Variants in WWOX observed in about 807,000 individuals in gnomAD.
WWOX encodes the protein WW domain containing oxidoreductase.
WWOX carries 69 observed loss-of-function variants against 46.2 expected under a neutral mutation model. The ratio of observed to expected loss-of-function variants is 1.49; its 90% CI spans 1.23 to 1.82. The LOEUF (loss-of-function observed/expected upper bound fraction) is 1.82. WWOX is among the 40% of genes most tolerant of loss of function. The pLI, the probability that WWOX is intolerant of heterozygous loss-of-function variation, is 0.00. For synonymous variants in WWOX, 359 were observed against 202.6 expected (o/e 1.77, Z -6.56); for missense variants, 919 against 542.6 (o/e 1.69, Z -6.89).
rs544695363 is a variant in WWOX, at chr16:78,667,493, AC to A, written c.1056+234744del. Among the ~76,000 whole-genome samples the A allele has an allele frequency of 3.0e-4, 45 of 151,694 alleles. No individual in the cohort carries two copies. The South Asian group carries it at 4.6e-3, about 16-fold the overall frequency. Reference sequence around the variant, plus strand: ...AGACCATCCTGGTTAACACGGTGAAACCCTGTCTCTACTAAAAAGTACAAAA... The same window carrying A: ...AGACCATCCTGGTTAACACGGTGAAACCTGTCTCTACTAAAAAGTACAAAA... On this transcript the variant is annotated intron_variant, in intron 8 of 8. Transcript: ENST00000566780.
intron 2 of WWOX, among the ~76,000 whole-genome samples, chr16:78,109,094 G>A (rs1056661187): frequency 6.6e-6 from 1 of 152,098 alleles, no homozygotes; most frequent in African/African-American, 2.4e-5. Flanking sequence ...ATTGTTCTTG[G>A]CTATACTATG....
intron 7 of WWOX, among the ~76,000 whole-genome samples, chr16:78,431,221 G>A (rs148697896): frequency 1.1e-4 from 16 of 152,320 alleles, no homozygotes; most frequent in East Asian, 1.9e-4. Context: ...AACTAGTTAC[G>A]TTGATTTGTG....
chr16:79,035,479 C>T (rs941307408), intron 8 of WWOX, among the ~76,000 whole-genome samples: 3 of 152,104 alleles, frequency 2.0e-5, no homozygotes, highest in African/African-American at 7.2e-5. Context: ...CCGGCTGCTC[C>T]TTTAATATTT....
intron 5 of WWOX, among the ~76,000 whole-genome samples, chr16:78,187,259 C>T (rs1161217904): frequency 6.6e-6 from 1 of 152,148 alleles, no homozygotes; most frequent in African/African-American, 2.4e-5. Context: ...CCGAGTTATG[C>T]CAAACTTTGC....
intron 8 of WWOX, among the ~76,000 whole-genome samples, chr16:78,736,178 C>T (rs1395507207): frequency 6.6e-6 from 1 of 152,190 alleles, no homozygotes; most frequent in Non-Finnish European, 1.5e-5. Context: ...TGAAGTCTGG[C>T]TTCAGGTTTA....
At chr16:78,907,740 G>T (rs2151250619) in intron 8 of WWOX, among the ~76,000 whole-genome samples, 1 of 152,262 alleles carries the variant, frequency 6.6e-6, no homozygotes, top group African/African-American at 2.4e-5. Context: ...CTTAGATGGG[G>T]CCAGGAGGGT....
At chr16:79,081,626 CT>C (rs1350393257) in intron 8 of WWOX, among the ~76,000 whole-genome samples, 1 of 152,174 alleles carries the variant, frequency 6.6e-6, no homozygotes, top group Non-Finnish European at 1.5e-5. Context: ...TTGGTCAAGA[CT>C]TTTCTCACTG....
intron 8 of WWOX, among the ~76,000 whole-genome samples, chr16:78,438,524 A>C (rs2083380331): frequency 6.6e-6 from 1 of 151,890 alleles, no homozygotes. Context: ...CCCAGGTCCA[A>C]GCCGGTCCTT....
intron 8 of WWOX, among the ~76,000 whole-genome samples, chr16:78,850,751 G>C (rs771672156): frequency 6.6e-6 from 1 of 152,110 alleles, no homozygotes; most frequent in African/African-American, 2.4e-5. Context: ...ATTCAAAAAA[G>C]AACCCAATCT....
At chr16:78,470,984 C>G (rs2084206835) in intron 8 of WWOX, among the ~76,000 whole-genome samples, 1 of 152,202 alleles carries the variant, frequency 6.6e-6, no homozygotes, top group African/African-American at 2.4e-5. Flanking sequence ...AAATCAGAAA[C>G]CAACAGCACG....
At chr16:78,801,154 G>C (rs1399855614) in intron 8 of WWOX, among the ~76,000 whole-genome samples, 2 of 151,648 alleles carry the variant, frequency 1.3e-5, no homozygotes, top group Non-Finnish European at 2.9e-5. Flanking sequence ...CTGCCTCCCA[G>C]GTTCAAGTGA....
At chr16:78,836,728 G>C (rs565361614) in intron 8 of WWOX, among the ~76,000 whole-genome samples, 1 of 152,310 alleles carries the variant, frequency 6.6e-6, no homozygotes, top group East Asian at 1.9e-4. Context: ...CAGATGGTAA[G>C]TGGCAGAGAT....
At chr16:79,115,325 C>A (rs1372509555) in intron 8 of WWOX, among the ~76,000 whole-genome samples, 3 of 152,160 alleles carry the variant, frequency 2.0e-5, no homozygotes, top group Non-Finnish European at 4.4e-5. Context: ...TCATCTCATT[C>A]CAACAAGAAT....
intron 8 of WWOX, among the ~76,000 whole-genome samples, chr16:78,761,747 C>A (rs992100602): frequency 2.6e-5 from 4 of 152,144 alleles, no homozygotes; most frequent in Non-Finnish European, 1.5e-5. Context: ...ATCCCACATT[C>A]TTTTTTGGAT....
intron 8 of WWOX, among the ~76,000 whole-genome samples, chr16:78,941,439 A>T (rs1248601666): frequency 2.7e-5 from 4 of 150,132 alleles, no homozygotes; most frequent in Non-Finnish European, 4.4e-5. Flanking sequence ...TAAGCGCATC[A>T]TTACCTTCCT....
At chr16:78,401,809 C>G (rs1488585341) in intron 6 of WWOX, among the ~76,000 whole-genome samples, 2 of 152,082 alleles carry the variant, frequency 1.3e-5, no homozygotes, top group African/African-American at 4.8e-5. Context: ...AAGTGATTCT[C>G]CTGCCTCAGC....
chr16:78,694,210 C>G (rs1436451993), intron 8 of WWOX, among the ~76,000 whole-genome samples: 1 of 152,062 alleles, frequency 6.6e-6, no homozygotes, highest in Non-Finnish European at 1.5e-5. Context: ...GAAACTGTGT[C>G]TCAAAAAATA....
chr16:78,382,146 C>T (rs1022926375), intron 5 of WWOX, among the ~76,000 whole-genome samples: 1 of 152,128 alleles, frequency 6.6e-6, no homozygotes, highest in Non-Finnish European at 1.5e-5. Flanking sequence ...AGACAGGGAC[C>T]AAGTCATGGA....
At chr16:78,229,908 C>T (rs111477740) in intron 5 of WWOX, among the ~76,000 whole-genome samples, 12,776 of 151,974 alleles carry the variant, frequency 0.084, 716 homozygotes, top group Middle Eastern at 0.12. Context: ...TAAACAGGAT[C>T]TCACTCTGTC....
Sources: gnomAD v4.1 joint callset for allele counts (sites outside exome capture counted in the v4.1 genomes callset) on GRCh38, gnomAD v4.1.1 for gene constraint, MANE v1.5 for transcripts, NCBI Gene and HGNC (gene_info 2026-07-23, HGNC 2026-07-21) for gene names.